DNAJC27: variants seen among roughly 807,000 people sequenced by gnomAD.
DNAJC27 encodes the protein dnaJ homolog subfamily C member 27.
Under a neutral mutation model 31.4 loss-of-function variants are expected in DNAJC27, and 25 were observed. The observed-to-expected ratio is 0.80, with a 90% CI of 0.58 to 1.11. The LOEUF (loss-of-function observed/expected upper bound fraction) is 1.11, where lower values mean the gene tolerates loss of function less well. Among genes scored for constraint, DNAJC27 ranks in the 50% most tolerant of loss-of-function variants. The pLI, the probability that DNAJC27 is intolerant of heterozygous loss-of-function variation, is 0.00. For missense variants in DNAJC27, 356 were observed against 347.3 expected (o/e 1.02, Z -0.20); for synonymous variants, 106 against 112.7 (o/e 0.94, Z 0.37).
chr2:24,964,954 T>C (rs2149129818), intron 2 of DNAJC27, among the ~76,000 whole-genome samples: 1 of 152,220 alleles, frequency 6.6e-6, no homozygotes, highest in East Asian at 1.9e-4. Context: ...ACACCTGTAA[T>C]CCGAACACTT....
chr2:24,965,219 T>C (rs1666151077), intron 2 of DNAJC27, among the ~76,000 whole-genome samples: 1 of 151,270 alleles, frequency 6.6e-6, no homozygotes, highest in South Asian at 2.1e-4. Flanking sequence ...CGAAACTCTG[T>C]CTCAGGGAAA....
intron 6 of DNAJC27, among the ~76,000 whole-genome samples, chr2:24,949,394 A>C (rs1665715103): frequency 6.6e-6 from 1 of 152,112 alleles, no homozygotes; most frequent in Non-Finnish European, 1.5e-5. Context: ...CAGTAGTTAC[A>C]CCCGGTCCTC....
At chr2:24,957,597 T>C (rs980775354) in intron 4 of DNAJC27, among the ~76,000 whole-genome samples, 1 of 148,022 alleles carries the variant, frequency 6.8e-6, no homozygotes, top group Non-Finnish European at 1.5e-5. Flanking sequence ...TCCCCATGTA[T>C]GGCACCAGAA....
intron 1 of DNAJC27, among the ~76,000 whole-genome samples, chr2:24,968,701 C>T (rs763906409): frequency 2.0e-5 from 3 of 152,064 alleles, no homozygotes; most frequent in Non-Finnish European, 4.4e-5. Flanking sequence ...AAATAGTAGA[C>T]AGTTGTTACA....
chr2:24,951,285 C>T, intron 6 of DNAJC27, 109 bp downstream of exon 6: 1 of 1,111,384 alleles, frequency 9.0e-7, no homozygotes. Flanking sequence ...TATTTTCATA[C>T]ATCTTCGTAT....
At position 24,957,958 on chromosome 2, in the gene DNAJC27, TA is replaced by T. The variant is rs769267080; in HGVS notation, c.256del (p.Tyr86ThrfsTer7). 10 of 1,610,788 alleles carry T rather than the reference TA, an allele frequency of 6.2e-6. No individual in the cohort carries two copies. In the South Asian group the frequency reaches 1.1e-4, roughly 18 times the overall value. ...PFFYEVRNEFYKDTQGVILVY... is the reference protein window; with the variant it reads ...PFFYEVRNEFXKDTQGVILVY... ...CAGTATCACACCCTGTGTGTCCTTGTAAAACTCATTTCGAACCTTCAAATAA... is the reference window on the plus strand; with the variant it reads ...CAGTATCACACCCTGTGTGTCCTTGTAAACTCATTTCGAACCTTCAAATAA... On this transcript the variant is annotated frameshift_variant, in exon 4 of 7. Transcript: ENST00000264711. LOFTEE classifies it high-confidence loss of function.
chr2:24,958,257 T>C (rs905306542), intron 3 of DNAJC27, among the ~76,000 whole-genome samples: 14 of 152,158 alleles, frequency 9.2e-5, no homozygotes, highest in Non-Finnish European at 1.8e-4. Context: ...TTAATTATAG[T>C]AGACCTTAAA....
At chr2:24,952,331 C>T (rs1285723256) in intron 5 of DNAJC27, among the ~76,000 whole-genome samples, 1 of 152,244 alleles carries the variant, frequency 6.6e-6, no homozygotes, top group Non-Finnish European at 1.5e-5. Context: ...TCAACATGTA[C>T]TAAAGGAGAT....
intron 6 of DNAJC27, among the ~76,000 whole-genome samples, chr2:24,950,177 A>G (rs1228697319): frequency 6.6e-6 from 1 of 151,956 alleles, no homozygotes; most frequent in Admixed American, 6.6e-5. Context: ...AGCATCCTCA[A>G]TATCACCTGG....
chr2:24,949,999 T>C (rs1415032824), intron 6 of DNAJC27, among the ~76,000 whole-genome samples: 2 of 150,352 alleles, frequency 1.3e-5, no homozygotes, highest in African/African-American at 2.4e-5. Flanking sequence ...CAACAGATCC[T>C]TAATAGTCAA....
At position 24,947,402 on chromosome 2, in the gene DNAJC27, C is replaced by G. The variant is rs1430591913; in HGVS notation, c.*214G>C. On this transcript the variant is annotated 3_prime_UTR_variant, in exon 7 of 7. Transcript: ENST00000264711. ...TTATCTAGAAATATGAAATGAAGTA[C>G]AGGGTGTGACGCTCAGTTCACTTCA... 5 of 481,244 alleles carry G rather than the reference C, an allele frequency of 1.0e-5. No homozygotes were observed. The highest frequency in any genetic ancestry group is 9.6e-5 in the South Asian group (2 of 20,792). The allele number at this position is 481,244 out of a possible 1,614,324, so 29.8% of individuals were successfully genotyped here. A position where few individuals can be genotyped will look rare whatever the true frequency, so the allele number is the denominator to read the frequency against.
chr2:24,956,577 T>C (rs988673158), intron 5 of DNAJC27, among the ~76,000 whole-genome samples: 2 of 152,252 alleles, frequency 1.3e-5, no homozygotes, highest in Non-Finnish European at 2.9e-5. Context: ...TTTGCCACAG[T>C]AATGCTTCTA....
At chr2:24,963,824 G>C (rs968070555) in intron 2 of DNAJC27, among the ~76,000 whole-genome samples, 4 of 152,194 alleles carry the variant, frequency 2.6e-5, no homozygotes, top group South Asian at 2.1e-4. Context: ...GAAGGAAAAT[G>C]AAAAGTTTTA....
chr2:24,946,179 G>C lies in DNAJC27; in HGVS notation c.*1437C>G, dbSNP rs1383807265. ...TCCATCCCTTGTATATCAAGGAGGAGACTGTGGTCAGAGAATGTATTTTGT... is the reference window on the plus strand; with the variant it reads ...TCCATCCCTTGTATATCAAGGAGGACACTGTGGTCAGAGAATGTATTTTGT... On this transcript the variant is annotated 3_prime_UTR_variant, in exon 7 of 7. Transcript: ENST00000264711. The C allele has an allele frequency of 6.6e-6, 1 of 152,192 alleles. No homozygotes were observed. The highest frequency in any genetic ancestry group is 1.9e-4 in the East Asian group (1 of 5,194). 9.4% of individuals were successfully genotyped at this position (152,192 alleles called of 1,614,324 possible). A position where few individuals can be genotyped will look rare whatever the true frequency, so the allele number is the denominator to read the frequency against.
chr2:24,949,921 C>T (rs1196122235), intron 6 of DNAJC27, among the ~76,000 whole-genome samples: 2 of 148,210 alleles, frequency 1.3e-5, no homozygotes, highest in Non-Finnish European at 3.0e-5. Context: ...TGCAATCTTA[C>T]TGAAACCCTA....
At chr2:24,971,655 C>T (rs924392428) in intron 1 of DNAJC27, 163 bp downstream of exon 1, 4 of 549,470 alleles carry the variant, frequency 7.3e-6, no homozygotes, top group African/African-American at 6.0e-5. Flanking sequence ...TCAAAAAGGT[C>T]GGGGAGTTTC....
rs576926386 is a variant in DNAJC27, at chr2:24,970,143, G to A, written c.87+1675C>T. On this transcript the variant is annotated intron_variant, in intron 1 of 6. Transcript: ENST00000264711. ...TTTGTTGTAACTGTAAATTAAAATT[G>A]TTTTTCAATTACACATTCCAACTGA... is the stretch of plus-strand genomic sequence containing the variant. 2.0e-5 allele frequency among the ~76,000 whole-genome samples: 3 copies of A among 152,210 alleles called. 1 individual carries two copies. The South Asian group carries it at 6.2e-4, about 32-fold the overall frequency.
chr2:24,957,402 C>T (rs535816851), intron 4 of DNAJC27, among the ~76,000 whole-genome samples: 1 of 152,268 alleles, frequency 6.6e-6, no homozygotes, highest in East Asian at 1.9e-4. Flanking sequence ...CACCTGATCC[C>T]TTGGGAAAAC....
At position 24,957,377 on chromosome 2, in the gene DNAJC27, G is replaced by A. The variant is rs186461328; in HGVS notation, c.406-212C>T. 1.5e-3 allele frequency among the ~76,000 whole-genome samples: 224 copies of A among 152,270 alleles called. 5 individuals carry two copies. The highest frequency in any genetic ancestry group is 4.1e-4 in the Non-Finnish European group (28 of 68,030). On this transcript the variant is annotated intron_variant, in intron 4 of 6. Coordinates refer to ENST00000264711, the MANE Select transcript of DNAJC27 (RefSeq NM_016544.3). ...TTCTATGGCAACAGGACTAGTGCCT[G>A]CTGCTGCAATGTCCCACCTGATCCC...
Sources: gnomAD v4.1 joint callset for allele counts (sites outside exome capture counted in the v4.1 genomes callset) on GRCh38, gnomAD v4.1.1 for gene constraint, MANE v1.5 for transcripts, NCBI Gene and HGNC (gene_info 2026-07-23, HGNC 2026-07-21) for gene names.